The following THEMIS variants were observed in gnomAD, a reference collection of about 807,000 sequenced individuals.
The protein encoded by THEMIS is thymocyte selection associated.
In THEMIS, 37 loss-of-function variants were observed where a neutral mutation model predicts 52.6. The ratio of observed to expected loss-of-function variants is 0.70; its 90% CI spans 0.54 to 0.93. The LOEUF (loss-of-function observed/expected upper bound fraction) is 0.93, where lower values mean the gene tolerates loss of function less well. Among genes scored for constraint, THEMIS ranks in the 40% least tolerant of loss-of-function variants. The pLI, the probability that THEMIS is intolerant of heterozygous loss-of-function variation, is 0.00. For synonymous variants in THEMIS, 292 were observed against 272.7 expected (o/e 1.07, Z -0.70); for missense variants, 808 against 763.1 (o/e 1.06, Z -0.69).
intron 1 of THEMIS, among the ~76,000 whole-genome samples, chr6:127,860,052 T>C (rs911403613): frequency 1.3e-5 from 2 of 152,132 alleles, no homozygotes; most frequent in Non-Finnish European, 2.9e-5. Context: ...GAGACCATTA[T>C]GGTGATAAAT....
intron 1 of THEMIS, among the ~76,000 whole-genome samples, chr6:127,875,198 C>T (rs1780278216): frequency 6.6e-6 from 1 of 152,218 alleles, no homozygotes; most frequent in African/African-American, 2.4e-5. Context: ...GTAAAAGATA[C>T]ATGGGATCTC....
intron 1 of THEMIS, among the ~76,000 whole-genome samples, chr6:127,856,060 T>C (rs1779608900): frequency 6.6e-6 from 1 of 152,044 alleles, no homozygotes; most frequent in Non-Finnish European, 1.5e-5. Context: ...ATAAACATTA[T>C]AGAGCTGTGA....
At chr6:127,900,701 T>C (rs1781109684) in intron 1 of THEMIS, 141 bp downstream of exon 1, 1 of 699,062 alleles carries the variant, frequency 1.4e-6, no homozygotes, top group Admixed American at 2.5e-5. Context: ...GATTCGTTGG[T>C]CAGTTCATTA....
chr6:127,764,146 A>C (rs2114402157), intron 4 of THEMIS, among the ~76,000 whole-genome samples: 1 of 152,110 alleles, frequency 6.6e-6, no homozygotes, highest in Non-Finnish European at 1.5e-5. Flanking sequence ...GGCAATATTT[A>C]CTGAGTGTTT....
At chr6:127,788,325 A>G (rs776422687) in intron 4 of THEMIS, among the ~76,000 whole-genome samples, 1 of 152,194 alleles carries the variant, frequency 6.6e-6, no homozygotes, top group Non-Finnish European at 1.5e-5. Context: ...TTGCCTCTCA[A>G]TAATCAAATC....
chr6:127,888,947 C>T (rs1780724604), intron 1 of THEMIS, among the ~76,000 whole-genome samples: 1 of 151,892 alleles, frequency 6.6e-6, no homozygotes, highest in Non-Finnish European at 1.5e-5. Flanking sequence ...AACTTCAGTT[C>T]CAGTCATAAT....
intron 4 of THEMIS, among the ~76,000 whole-genome samples, chr6:127,806,033 A>T (rs1393353481): frequency 6.6e-6 from 1 of 151,966 alleles, no homozygotes; most frequent in African/African-American, 2.4e-5. Context: ...GTGAGCCCAC[A>T]CTCAATTTTA....
the THEMIS span, among the ~76,000 whole-genome samples, chr6:127,699,817 C>G: frequency 1.3e-5 from 2 of 151,726 alleles, no homozygotes; most frequent in Non-Finnish European, 3.0e-5. Context: ...TAAATATTAA[C>G]TCAAACAGAT....
intron 1 of THEMIS, among the ~76,000 whole-genome samples, chr6:127,861,610 C>T (rs1779797854): frequency 6.6e-6 from 1 of 151,370 alleles, no homozygotes; most frequent in South Asian, 2.1e-4. Flanking sequence ...ATGGTGAAAC[C>T]TGTCTCTACT....
intron 1 of THEMIS, among the ~76,000 whole-genome samples, chr6:127,861,331 TG>T (rs1779789353): frequency 6.6e-6 from 1 of 152,170 alleles, no homozygotes; most frequent in Non-Finnish European, 1.5e-5. Context: ...TGAATACAAA[TG>T]TACTGACTGC....
chr6:127,764,873 C>A (rs527475320), intron 4 of THEMIS, among the ~76,000 whole-genome samples: 1 of 152,078 alleles, frequency 6.6e-6, no homozygotes, highest in African/African-American at 2.4e-5. Context: ...TTAGACCCCC[C>A]AATTGCAGTA....
chr6:127,790,526 A>C (rs1049434875), intron 4 of THEMIS, among the ~76,000 whole-genome samples: 4 of 152,150 alleles, frequency 2.6e-5, no homozygotes, highest in African/African-American at 7.2e-5. Flanking sequence ...TTTGACATAC[A>C]TTATTTCTGC....
chr6:127,788,222 TTTG>T (rs1433535649), intron 4 of THEMIS, among the ~76,000 whole-genome samples: 2 of 152,212 alleles, frequency 1.3e-5, no homozygotes, highest in Admixed American at 6.5e-5. Flanking sequence ...CCAAGATACA[TTTG>T]CTATTCAACC....
At position 127,830,245 on chromosome 6, in the gene THEMIS, G is replaced by T. The variant is rs147155593; in HGVS notation, c.251-311C>A. Reference sequence around the variant, plus strand: ...ACTGGCTCTGTTCCAACTACTTTGTGATCCCAAGCAAGGCATCTTACTTCT... The same window carrying T: ...ACTGGCTCTGTTCCAACTACTTTGTTATCCCAAGCAAGGCATCTTACTTCT... On this transcript the variant is annotated intron_variant, in intron 2 of 5. Coordinates refer to ENST00000368248, the MANE Select transcript of THEMIS (RefSeq NM_001010923.3). Among the ~76,000 whole-genome samples the T allele has an allele frequency of 1.4e-4, 22 of 152,274 alleles. 1 individual carries two copies. In the East Asian group the frequency reaches 3.7e-3, roughly 25 times the overall value.
chr6:127,805,283 G>A (rs888365624), intron 4 of THEMIS, among the ~76,000 whole-genome samples: 8 of 152,024 alleles, frequency 5.3e-5, no homozygotes, highest in Non-Finnish European at 8.8e-5. Context: ...AAAGCAACTT[G>A]TCCTATTAGA....
the THEMIS span, among the ~76,000 whole-genome samples, chr6:127,698,448 G>T: frequency 2.0e-5 from 3 of 151,990 alleles, no homozygotes; most frequent in African/African-American, 4.8e-5. Context: ...AGGAGAATAT[G>T]CCCTCTTTCG....
chr6:127,842,329 T>A (rs1227402891), intron 2 of THEMIS, among the ~76,000 whole-genome samples: 1 of 151,948 alleles, frequency 6.6e-6, no homozygotes, highest in Non-Finnish European at 1.5e-5. Context: ...AATGAAACAA[T>A]GGTCATTGTT....
At chr6:127,739,923 G>T (rs1034649295) in intron 4 of THEMIS, among the ~76,000 whole-genome samples, 3 of 152,118 alleles carry the variant, frequency 2.0e-5, no homozygotes, top group African/African-American at 7.2e-5. Context: ...GCTGACATTC[G>T]CTGGCGTGCA....
rs920368818 is a variant in THEMIS, at chr6:127,762,340, T to C, written c.1759-42517A>G. On this transcript the variant is annotated intron_variant, in intron 4 of 5. Transcript: ENST00000368248. ...ATTGTATACAATATGGTATCTATAT[T>C]CAACAATATTATATTGTATAGGTAA... Among the ~76,000 whole-genome samples, 9 of 152,188 alleles carry C rather than the reference T, an allele frequency of 5.9e-5. No individual in the cohort carries two copies. In the South Asian group the frequency reaches 1.9e-3, roughly 32 times the overall value.
Sources: allele counts gnomAD v4.1 joint callset (sites outside exome capture counted in the v4.1 genomes callset), GRCh38; gene constraint gnomAD v4.1.1; transcripts MANE v1.5; gene names NCBI Gene and HGNC (gene_info 2026-07-23, HGNC 2026-07-21).